EEF1G: variants seen among roughly 807,000 people sequenced by gnomAD.
EEF1G encodes the protein elongation factor 1-gamma.
EEF1G carries 14 observed loss-of-function variants against 58.3 expected under a neutral mutation model. The ratio of observed to expected loss-of-function variants is 0.24; its 90% CI spans 0.16 to 0.38. The LOEUF is 0.38. EEF1G is among the 10% of genes least tolerant of loss of function. The pLI, the probability that EEF1G is intolerant of heterozygous loss-of-function variation, is 1.00. For synonymous variants in EEF1G, 180 were observed against 206.8 expected, an observed-to-expected ratio of 0.87 and a Z score of 1.11; for missense variants, 322 against 550.1, an observed-to-expected ratio of 0.59 and a Z score of 4.15.
intron 5 of EEF1G, among the ~76,000 whole-genome samples, chr11:62,569,041 A>G (rs182185115): frequency 8.5e-5 from 13 of 152,068 alleles, no homozygotes; most frequent in African/African-American, 2.9e-4. Flanking sequence ...AAATCTAAAC[A>G]CTATAGGTAT....
chr11:62,561,778 A>G (rs1941500086), intron 7 of EEF1G, among the ~76,000 whole-genome samples: 1 of 151,962 alleles, frequency 6.6e-6, no homozygotes, highest in Admixed American at 6.6e-5. Context: ...ACTACTTTGA[A>G]TCTTCCCTGT....
intron 7 of EEF1G, among the ~76,000 whole-genome samples, chr11:62,560,910 A>C (rs964032951): frequency 5.3e-5 from 8 of 152,174 alleles, no homozygotes; most frequent in Non-Finnish European, 7.3e-5. Context: ...CCTCCACCCC[A>C]AATCTTACAC....
At chr11:62,562,291 G>C (rs1022715533) in intron 7 of EEF1G, among the ~76,000 whole-genome samples, 1 of 152,080 alleles carries the variant, frequency 6.6e-6, no homozygotes, top group African/African-American at 2.4e-5. Context: ...AGAGATTTTT[G>C]AGCGTTAGCC....
At chr11:62,562,163 C>T (rs1395483951) in intron 7 of EEF1G, among the ~76,000 whole-genome samples, 2 of 152,170 alleles carry the variant, frequency 1.3e-5, no homozygotes, top group African/African-American at 4.8e-5. Context: ...CTCTCTGTAA[C>T]CATTTTGCTT....
chr11:62,564,758 CAAAAAAAAA>C (rs34663205), intron 7 of EEF1G, among the ~76,000 whole-genome samples: 14 of 75,058 alleles, frequency 1.9e-4, no homozygotes, highest in Admixed American at 8.7e-4. Flanking sequence ...GACTCCATCT[CAAAAAAAAA>C]AAAAAAAAAA....
rs1169005137 is a variant in EEF1G, at chr11:62,567,936, TCTCGAA to T, written c.523-414_523-409del. 6.6e-5 allele frequency among the ~76,000 whole-genome samples: 10 copies of T among 151,464 alleles called. No individual in the cohort carries two copies. In the East Asian group the frequency reaches 2.0e-3, roughly 30 times the overall value. ...GGTTTCGCCCTGTTGGCCAGGCTGT[TCTCGAA>T]CTCTGACCTCAAGTGATCCGCCCAC... is the stretch of plus-strand genomic sequence containing the variant. On this transcript the variant is annotated intron_variant, in intron 5 of 9. Coordinates refer to ENST00000329251, the MANE Select transcript of EEF1G (RefSeq NM_001404.5).
chr11:62,564,450 T>G, intron 7 of EEF1G, among the ~76,000 whole-genome samples: 1 of 126,140 alleles, frequency 7.9e-6, no homozygotes, highest in Non-Finnish European at 1.6e-5. Flanking sequence ...GGCAACAGAG[T>G]GAGACTCTGT....
chr11:62,570,618 G>A (rs1253986187), intron 5 of EEF1G, among the ~76,000 whole-genome samples: 5 of 152,042 alleles, frequency 3.3e-5, no homozygotes, highest in Non-Finnish European at 7.4e-5. Flanking sequence ...GCAGTGGGGC[G>A]ATCGCTGCTC....
At chr11:62,568,737 C>G (rs1941587305) in intron 5 of EEF1G, among the ~76,000 whole-genome samples, 2 of 152,108 alleles carry the variant, frequency 1.3e-5, no homozygotes, top group South Asian at 4.1e-4. Context: ...CTTTGGGAGG[C>G]CGAGGCGGGC....
intron 5 of EEF1G, among the ~76,000 whole-genome samples, chr11:62,568,741 G>C (rs1056347363): frequency 1.3e-5 from 2 of 152,242 alleles, no homozygotes; most frequent in South Asian, 4.1e-4. Flanking sequence ...GGGAGGCCGA[G>C]GCGGGCAGAT....
rs1411451446 is a variant in EEF1G at position 62,560,331 on chromosome 11, G to T, written c.981C>A (p.Arg327=). ...AGGTCTGAGTGAGTTCTTCAGGGAA[G>T]CGATACTCTGAGTACCACAGGGACC... is the stretch of plus-strand genomic sequence containing the variant. The part of the protein sequence containing the change: ...DGWSLWYSEY[R]FPEELTQTFM... Residue 327 remains arginine, a synonymous_variant, in exon 8 of 10, where the codon CGC becomes CGA. Coordinates refer to ENST00000329251, the MANE Select transcript of EEF1G (RefSeq NM_001404.5). 6.2e-7 allele frequency: 1 copy of T among 1,611,232 alleles called. No individual in the cohort carries two copies.
intron 5 of EEF1G, among the ~76,000 whole-genome samples, chr11:62,570,309 G>A (rs548941558): frequency 7.9e-5 from 12 of 151,972 alleles, no homozygotes; most frequent in African/African-American, 2.4e-4. Flanking sequence ...TGATCCACCC[G>A]CCTAGGCCTC....
intron 1 of EEF1G, 31 bp downstream of exon 1, chr11:62,573,800 T>C (rs765450614): frequency 1.2e-6 from 2 of 1,613,384 alleles, no homozygotes; most frequent in Admixed American, 1.7e-5. Context: ...GTGGATAGGA[T>C]GACCCGAACC....
At chr11:62,563,880 G>A (rs1400347687) in intron 7 of EEF1G, among the ~76,000 whole-genome samples, 2 of 152,194 alleles carry the variant, frequency 1.3e-5, no homozygotes, top group Admixed American at 6.5e-5. Flanking sequence ...CATCTGAGGA[G>A]CCTTAAAACC....
chr11:62,570,091 C>T (rs1941608288), intron 5 of EEF1G, among the ~76,000 whole-genome samples: 1 of 149,696 alleles, frequency 6.7e-6, no homozygotes, highest in Admixed American at 6.6e-5. Context: ...GATGGAGTCT[C>T]GCTCTTGTCC....
At chr11:62,567,551 ACAAAGT>A (rs750712436) in intron 5 of EEF1G, 23 bp from the exon 6 acceptor site, 5 of 1,570,010 alleles carry the variant, frequency 3.2e-6, no homozygotes, top group Admixed American at 1.9e-5. Context: ...AAGGGTGTAA[ACAAAGT>A]CAGTGGAAAG....
At chr11:62,559,930 G>A in intron 9 of EEF1G, 93 bp from the exon 10 acceptor site, 4 of 1,607,916 alleles carry the variant, frequency 2.5e-6, no homozygotes, top group Middle Eastern at 1.7e-4. Context: ...CAGACCCCAG[G>A]TCTCCTGTGA....
At chr11:62,565,567 A>G (rs1941546472) in intron 7 of EEF1G, among the ~76,000 whole-genome samples, 1 of 152,208 alleles carries the variant, frequency 6.6e-6, no homozygotes, top group African/African-American at 2.4e-5. Flanking sequence ...GACCTACTAT[A>G]TGTGAAAATC....
rs1941634062 is a variant in EEF1G at position 62,571,744 on chromosome 11, G to A, written c.236-62C>T. On this transcript the variant is annotated intron_variant, in intron 3 of 9. Coordinates refer to ENST00000329251, the MANE Select transcript of EEF1G (RefSeq NM_001404.5). Reference sequence around the variant, plus strand: ...GAATGCCAACACCAGTCCAGGTCCTGGAGAATTCCTTCATATCCACCCCCG... The same window carrying A: ...GAATGCCAACACCAGTCCAGGTCCTAGAGAATTCCTTCATATCCACCCCCG... 5 of 1,565,918 alleles carry A rather than the reference G, an allele frequency of 3.2e-6. No individual in the cohort carries two copies. In the Admixed American group the frequency reaches 9.5e-5, roughly 30 times the overall value.
Sources: allele counts gnomAD v4.1 joint callset (sites outside exome capture counted in the v4.1 genomes callset), GRCh38; gene constraint gnomAD v4.1.1; transcripts MANE v1.5; gene names NCBI Gene and HGNC (gene_info 2026-07-23, HGNC 2026-07-21).